PARD3: variants seen among roughly 807,000 people sequenced by gnomAD.
PARD3 encodes par-3 family cell polarity regulator.
Under a neutral mutation model 155.4 loss-of-function variants are expected in PARD3, and 75 were observed. The ratio of observed to expected loss-of-function variants is 0.48; its 90% CI spans 0.40 to 0.58. The LOEUF (loss-of-function observed/expected upper bound fraction) is 0.58. Ranked by LOEUF, PARD3 falls within the 20% of genes least tolerant of loss-of-function variation. The pLI is 0.00. For missense variants in PARD3, 1,642 were observed against 1,721.7 expected, an observed-to-expected ratio of 0.95 and a Z score of 0.82; for synonymous variants, 576 against 610.5, an observed-to-expected ratio of 0.94 and a Z score of 0.83.
At chr10:34,576,917 C>A (rs1466466842) in intron 2 of PARD3, among the ~76,000 whole-genome samples, 1 of 152,164 alleles carries the variant, frequency 6.6e-6, no homozygotes, top group Non-Finnish European at 1.5e-5. Flanking sequence ...AATCAATTAA[C>A]GTCATCAGCA....
At chr10:34,574,293 T>C (rs1341489246) in intron 2 of PARD3, among the ~76,000 whole-genome samples, 2 of 152,190 alleles carry the variant, frequency 1.3e-5, no homozygotes. Flanking sequence ...GTGCCAATCC[T>C]TCCCAAACTC....
rs187324014 is a variant in PARD3, at chr10:34,639,953, G to T, written c.222+56365C>A. Among the ~76,000 whole-genome samples the T allele has an allele frequency of 1.7e-3, 262 of 152,250 alleles. 1 individual carries two copies. The highest frequency in any genetic ancestry group is 0.015 in the Admixed American group (225 of 15,296). ...TTTATGTGAAGCACCTAGCACATGG[G>T]TTATATTCATTAAACACCATGTTAC... On this transcript the variant is annotated intron_variant, in intron 2 of 24. Coordinates refer to ENST00000374788, the MANE Select transcript of PARD3 (RefSeq NM_001184785.2).
At chr10:34,533,589 T>G (rs1051239894) in intron 2 of PARD3, among the ~76,000 whole-genome samples, 1 of 152,034 alleles carries the variant, frequency 6.6e-6, no homozygotes, top group African/African-American at 2.4e-5. Flanking sequence ...GGCAGATCAC[T>G]TGAGCTCAGG....
Position 34,517,178 on chromosome 10 carries a change from T to C in PARD3, c.223-19A>G, listed in dbSNP as rs1008948065. 4 of 1,607,578 alleles carry C rather than the reference T, an allele frequency of 2.5e-6. 1 individual carries two copies. The highest frequency in any genetic ancestry group is 3.4e-6 in the Non-Finnish European group (4 of 1,176,810). On this transcript the variant is annotated intron_variant, in intron 2 of 24. Transcript: ENST00000374788. ...CTACCAGCTAGAAATGAAAGGTAAATGTGCACTTATAAATAAAGGCACTTA... is the reference window on the plus strand; with the variant it reads ...CTACCAGCTAGAAATGAAAGGTAAACGTGCACTTATAAATAAAGGCACTTA...
intron 2 of PARD3, among the ~76,000 whole-genome samples, chr10:34,520,570 G>C (rs2082083330): frequency 6.6e-6 from 1 of 152,112 alleles, no homozygotes; most frequent in Non-Finnish European, 1.5e-5. Flanking sequence ...GGGTCAATGG[G>C]CAAACTTTCT....
chr10:34,796,217 G>A (rs888088869), intron 1 of PARD3, among the ~76,000 whole-genome samples: 11 of 152,134 alleles, frequency 7.2e-5, no homozygotes, highest in African/African-American at 2.7e-4. Flanking sequence ...ATTCTAGTTA[G>A]TTACCCCCAC....
At chr10:34,382,451 G>A in intron 9 of PARD3, 89 bp downstream of exon 9, 1 of 1,394,114 alleles carries the variant, frequency 7.2e-7, no homozygotes, top group Non-Finnish European at 9.8e-7. Flanking sequence ...GGGTTAGTAG[G>A]TTGACTTTTA....
intron 2 of PARD3, among the ~76,000 whole-genome samples, chr10:34,551,971 A>G (rs2084615265): frequency 6.6e-6 from 1 of 152,212 alleles, no homozygotes; most frequent in Non-Finnish European, 1.5e-5. Context: ...ACAAAAAAGT[A>G]CTACCCAAGA....
chr10:34,362,500 G>T (rs975447255), intron 12 of PARD3, among the ~76,000 whole-genome samples: 4 of 151,922 alleles, frequency 2.6e-5, no homozygotes, highest in African/African-American at 9.7e-5. Flanking sequence ...AAGTGTTTTT[G>T]TTGTTTGTTT....
intron 14 of PARD3, among the ~76,000 whole-genome samples, chr10:34,353,900 G>A (rs890065964): frequency 4.0e-5 from 6 of 151,432 alleles, no homozygotes; most frequent in Non-Finnish European, 7.4e-5. Flanking sequence ...ATCCTTTAAG[G>A]GCTTTAAACA....
chr10:34,706,845 C>T (rs917713083), intron 1 of PARD3, among the ~76,000 whole-genome samples: 16 of 152,226 alleles, frequency 1.1e-4, no homozygotes, highest in African/African-American at 3.4e-4. Flanking sequence ...TTGTGGCTCA[C>T]GCCTCTAATC....
chr10:34,434,264 T>C (rs2076084543), intron 5 of PARD3, among the ~76,000 whole-genome samples: 1 of 152,146 alleles, frequency 6.6e-6, no homozygotes, highest in Admixed American at 6.5e-5. Context: ...ATCCACATGG[T>C]GAAGGAACAT....
intron 10 of PARD3, among the ~76,000 whole-genome samples, chr10:34,376,379 A>G (rs1004312307): frequency 5.9e-5 from 9 of 152,218 alleles, no homozygotes; most frequent in Admixed American, 4.6e-4. Flanking sequence ...TAAAGCAATT[A>G]TCTTTAGAAA....
intron 4 of PARD3, among the ~76,000 whole-genome samples, chr10:34,452,144 A>G (rs749937839): frequency 1.3e-5 from 2 of 152,204 alleles, no homozygotes; most frequent in Non-Finnish European, 2.9e-5. Context: ...TGAGGCTATC[A>G]TTGACTAGGG....
chr10:34,661,704 C>G (rs868498986), intron 2 of PARD3, among the ~76,000 whole-genome samples: 4 of 152,180 alleles, frequency 2.6e-5, no homozygotes, highest in Admixed American at 6.5e-5. Context: ...GGCCTTCATC[C>G]AGATTCAATG....
intron 2 of PARD3, among the ~76,000 whole-genome samples, chr10:34,643,396 C>T (rs2092740441): frequency 6.6e-6 from 1 of 152,246 alleles, no homozygotes; most frequent in South Asian, 2.1e-4. Flanking sequence ...ACCAGCTCAG[C>T]AAACCTCTGT....
chr10:34,238,080 C>T (rs1478862447), intron 22 of PARD3, among the ~76,000 whole-genome samples: 3 of 152,124 alleles, frequency 2.0e-5, no homozygotes, highest in East Asian at 1.9e-4. Context: ...TACTGTACTC[C>T]ACCTCTAGCC....
At chr10:34,172,807 A>G (rs1038677319) in intron 22 of PARD3, among the ~76,000 whole-genome samples, 1 of 152,130 alleles carries the variant, frequency 6.6e-6, no homozygotes, top group Non-Finnish European at 1.5e-5. Flanking sequence ...GGGAGTTAAA[A>G]TATCCTGCTA....
chr10:34,149,531 T>G lies in PARD3; in HGVS notation c.3420-17948A>C, dbSNP rs79004119. ...TCTTTGCAAGCTATATTAAAAAATG[T>G]TATTTGATTTGTTATATAATTTTTC... is the stretch of plus-strand genomic sequence containing the variant. On this transcript the variant is annotated intron_variant, in intron 22 of 24. Transcript: ENST00000374788. 8.2e-3 allele frequency among the ~76,000 whole-genome samples: 1,241 copies of G among 152,254 alleles called. 11 individuals carry two copies. The highest frequency in any genetic ancestry group is 0.028 in the African/African-American group (1,170 of 41,552).
Sources: gnomAD v4.1 joint callset for allele counts (sites outside exome capture counted in the v4.1 genomes callset) on GRCh38, gnomAD v4.1.1 for gene constraint, MANE v1.5 for transcripts, NCBI Gene and HGNC (gene_info 2026-07-23, HGNC 2026-07-21) for gene names.